Variants in DNAH11 observed in about 807,000 individuals in gnomAD.
DNAH11 encodes the protein dynein axonemal heavy chain 11.
In DNAH11, 442 loss-of-function variants were observed where a neutral mutation model predicts 526.0. That is an observed-to-expected ratio of 0.84 (90% CI 0.78 to 0.91). DNAH11 has a LOEUF of 0.91. DNAH11 is among the 40% of genes least tolerant of loss of function. The pLI is 0.00. For missense variants in DNAH11, 6,989 were observed against 5,448.7 expected (o/e 1.28, Z -8.90); for synonymous variants, 2,461 against 1,935.9 (o/e 1.27, Z -7.12).
intron 9 of DNAH11, among the ~76,000 whole-genome samples, chr7:21,585,096 G>GT (rs1051902775): frequency 3.0e-4 from 45 of 152,036 alleles, no homozygotes; most frequent in Non-Finnish European, 4.1e-4. Context: ...TAGGTAAAAG[G>GT]TTTTTTTCTT....
chr7:21,668,109 A>T (rs534468806), intron 30 of DNAH11, among the ~76,000 whole-genome samples: 8 of 152,258 alleles, frequency 5.3e-5, no homozygotes, highest in African/African-American at 1.7e-4. Flanking sequence ...ACAAAAGAAA[A>T]TTCTTTCAGC....
At chr7:21,562,316 C>T (rs917565395) in intron 5 of DNAH11, among the ~76,000 whole-genome samples, 1 of 152,148 alleles carries the variant, frequency 6.6e-6, no homozygotes, top group Admixed American at 6.6e-5. Context: ...TAAATGTCTC[C>T]AGACATGGCC....
chr7:21,555,694 G>T (rs1783192868), intron 2 of DNAH11, among the ~76,000 whole-genome samples: 1 of 152,184 alleles, frequency 6.6e-6, no homozygotes, highest in South Asian at 2.1e-4. Flanking sequence ...GACGTTGCCT[G>T]GTTGCCATGG....
At chr7:21,825,422 C>T (rs1353791049) in intron 65 of DNAH11, among the ~76,000 whole-genome samples, 3 of 152,146 alleles carry the variant, frequency 2.0e-5, no homozygotes, top group Non-Finnish European at 4.4e-5. Flanking sequence ...GCACAATCAA[C>T]TTTAAAAGAT....
chr7:21,561,174 A>C lies in DNAH11; in HGVS notation c.982+4A>C. On this transcript the variant is annotated splice_donor_region_variant and intron_variant, in intron 5 of 81. Transcript: ENST00000409508. ...ATTTTTCTGGCTGTGGAAAATGGTA[A>C]GACTCTTGTTCCTCAGCCTGGCATC... 1.3e-6 allele frequency: 2 copies of C among 1,576,132 alleles called. No individual in the cohort carries two copies. Among genetic ancestry groups the C allele is most frequent in the Non-Finnish European group, 1.7e-6 (2 of 1,156,692 alleles).
chr7:21,774,299 C>T (rs1032513093), intron 56 of DNAH11, among the ~76,000 whole-genome samples: 36 of 152,222 alleles, frequency 2.4e-4, no homozygotes, highest in African/African-American at 6.0e-4. Context: ...CTTCAGTGCA[C>T]GGTACTTGTC....
In DNAH11 at chr7:21,741,927, A is replaced by G; in HGVS notation, c.7915A>G (p.Arg2639Gly). ...GSFTINPRLQ[R>G]HFTVFAFNFP... ...CTCTTATATTTGCTTTTCTTTTCAGAGACATTTCACAGTGTTTGCATTCAA... is the reference window on the plus strand; with the variant it reads ...CTCTTATATTTGCTTTTCTTTTCAGGGACATTTCACAGTGTTTGCATTCAA... The change falls in exon 49 of 82, where the codon AGA becomes GGA. Residue 2639 changes from arginine to glycine, a missense_variant and splice_region_variant. By Grantham distance (125) the Arg-to-Gly change is moderately radical. Transcript: ENST00000409508. The G allele has an allele frequency of 6.2e-7, 1 of 1,613,358 alleles. No homozygotes were observed. Among genetic ancestry groups the G allele is most frequent in the East Asian group, 2.2e-5 (1 of 44,868 alleles).
intron 51 of DNAH11, 121 bp downstream of exon 51, chr7:21,745,184 C>A: frequency 2.0e-6 from 2 of 1,006,312 alleles, no homozygotes; most frequent in Non-Finnish European, 2.8e-6. Context: ...TGCTGTTTGA[C>A]ATATAATTTT....
intron 43 of DNAH11, among the ~76,000 whole-genome samples, chr7:21,719,208 T>G (rs1784782753): frequency 6.6e-6 from 1 of 152,208 alleles, no homozygotes. Flanking sequence ...TTTTATAGAG[T>G]AATTTCTCTT....
chr7:21,849,554 G>A lies in DNAH11; in HGVS notation c.10897-2913G>A, dbSNP rs1009586022. On this transcript the variant is annotated intron_variant, in intron 66 of 81. Coordinates refer to ENST00000409508, the MANE Select transcript of DNAH11 (RefSeq NM_001277115.2). ...CTTGGTCTAAGAAAGCTTTTATTAC[G>A]CTTTACTTTTGAAGGATAATTTTAT... is the stretch of plus-strand genomic sequence containing the variant. Among the ~76,000 whole-genome samples the A allele has an allele frequency of 2.6e-5, 4 of 151,960 alleles. 1 individual carries two copies. Among genetic ancestry groups the A allele is most frequent in the South Asian group, 4.2e-4 (2 of 4,818 alleles).
At chr7:21,553,388 T>TC (rs954872619) in intron 2 of DNAH11, among the ~76,000 whole-genome samples, 2 of 152,136 alleles carry the variant, frequency 1.3e-5, no homozygotes, top group Non-Finnish European at 2.9e-5. Context: ...CTGAAATCCC[T>TC]CCCCTTTTAC....
chr7:21,848,871 A>G lies in DNAH11; in HGVS notation c.10897-3596A>G, dbSNP rs148134974. On this transcript the variant is annotated intron_variant, in intron 66 of 81. Transcript: ENST00000409508. Reference sequence around the variant, plus strand: ...CATTTGCAATATACATTTACAACTAATCTAACTCCATTTTCTTTTTTCTTT... The same window carrying G: ...CATTTGCAATATACATTTACAACTAGTCTAACTCCATTTTCTTTTTTCTTT... 1.2e-4 allele frequency among the ~76,000 whole-genome samples: 18 copies of G among 152,142 alleles called. 1 individual carries two copies. In the East Asian group the frequency reaches 3.3e-3, roughly 28 times the overall value.
At chr7:21,600,951 T>A in intron 16 of DNAH11, 21 bp downstream of exon 16, 1 of 1,612,180 alleles carries the variant, frequency 6.2e-7, no homozygotes, top group Non-Finnish European at 8.5e-7. Flanking sequence ...CCCTTAGCAT[T>A]TAATGTAGTG....
At chr7:21,546,800 G>T (rs904730388) in intron 2 of DNAH11, among the ~76,000 whole-genome samples, 23 of 152,134 alleles carry the variant, frequency 1.5e-4, no homozygotes, top group African/African-American at 5.6e-4. Context: ...CAATATCTGG[G>T]CCCCATCCTT....
chr7:21,820,198 A>G (rs561670468), intron 65 of DNAH11, among the ~76,000 whole-genome samples: 1 of 152,262 alleles, frequency 6.6e-6, no homozygotes, highest in African/African-American at 2.4e-5. Context: ...TTCTCTGAGC[A>G]CTGCTATATG....
At chr7:21,581,792 TCAGAGA>T (rs1188121044) in intron 8 of DNAH11, 107 bp from the exon 9 acceptor site, 7 of 665,606 alleles carry the variant, frequency 1.1e-5, no homozygotes, top group African/African-American at 5.4e-5. Context: ...ATAAATTCAC[TCAGAGA>T]CAGAGAGCGA....
chr7:21,557,193 A>G (rs1783254199), intron 2 of DNAH11, among the ~76,000 whole-genome samples: 1 of 152,078 alleles, frequency 6.6e-6, no homozygotes, highest in African/African-American at 2.4e-5. Flanking sequence ...CAGCCCAAGT[A>G]TTGCCATTTC....
In DNAH11 at chr7:21,880,719, C is replaced by G; in HGVS notation, c.12213C>G (p.Cys4071Trp). 6.2e-7 allele frequency: 1 copy of G among 1,613,906 alleles called. No individual in the cohort carries two copies. The highest frequency in any genetic ancestry group is 2.2e-5 in the East Asian group (1 of 44,876). The change falls in exon 75 of 82, where the codon TGC becomes TGG. Residue 4071 changes from cysteine to tryptophan, a missense_variant. Coordinates refer to ENST00000409508, the MANE Select transcript of DNAH11 (RefSeq NM_001277115.2). ...TTTCCCAGGATACACTTGAAATATG[C>G]TCCAAGGAGCAGGAGTTTAAAAGCA... ...YNFDQDTLEI[C>W]SKEQEFKSIL... is the part of the protein sequence containing the mutation.
intron 66 of DNAH11, among the ~76,000 whole-genome samples, chr7:21,847,572 CT>C (rs1424256238): frequency 6.6e-6 from 1 of 151,980 alleles, no homozygotes; most frequent in Non-Finnish European, 1.5e-5. Context: ...TCTTTTAAAC[CT>C]TTTTGGTGTG....
Sources: allele counts gnomAD v4.1 joint callset (sites outside exome capture counted in the v4.1 genomes callset), GRCh38; gene constraint gnomAD v4.1.1; transcripts MANE v1.5; gene names NCBI Gene and HGNC (gene_info 2026-07-23, HGNC 2026-07-21).